The following FBXO21 variants were observed in gnomAD, a reference collection of about 807,000 sequenced individuals.
FBXO21 encodes F-box only protein 21.
Under a neutral mutation model 76.6 loss-of-function variants are expected in FBXO21, and 32 were observed. That is an observed-to-expected ratio of 0.42 (90% confidence interval 0.32 to 0.56). FBXO21 has a LOEUF of 0.56. FBXO21 is among the 20% of genes least tolerant of loss of function. The pLI, the probability that FBXO21 is intolerant of heterozygous loss-of-function variation, is 0.16. For synonymous variants in FBXO21, 328 were observed against 311.5 expected (o/e 1.05, Z -0.56); for missense variants, 586 against 797.3 (o/e 0.73, Z 3.19).
intron 11 of FBXO21, among the ~76,000 whole-genome samples, chr12:117,148,875 G>C (rs11068367): frequency 0.18 from 27,608 of 152,160 alleles, 3,143 homozygotes; most frequent in East Asian, 0.41. Flanking sequence ...TTCCCCGAAG[G>C]AAACTGAGTC....
chr12:117,167,158 G>T, intron 7 of FBXO21, 81 bp from the exon 8 acceptor site: 2 of 1,059,334 alleles, frequency 1.9e-6, no homozygotes, highest in Non-Finnish European at 1.4e-6. Context: ...CAAATCATGG[G>T]CTGAAGGTTG....
In FBXO21 at chr12:117,151,351, G is replaced by C. The variant is rs190586743; in HGVS notation, c.1675+4440C>G. On this transcript the variant is annotated intron_variant, in intron 11 of 11. Coordinates refer to ENST00000622495, the MANE Select transcript of FBXO21 (RefSeq NM_015002.3). Reference sequence around the variant, plus strand: ...GGACATCCCATTAGGGTTTAGGTGAGAGAGTACACACCGGGGAAAGAATTC... The same window carrying C: ...GGACATCCCATTAGGGTTTAGGTGACAGAGTACACACCGGGGAAAGAATTC... 3.3e-5 allele frequency among the ~76,000 whole-genome samples: 5 copies of C among 152,252 alleles called. No homozygotes were observed. In the East Asian group the frequency reaches 9.7e-4, roughly 29 times the overall value.
At chr12:117,187,066 A>G (rs956652688) in intron 2 of FBXO21, among the ~76,000 whole-genome samples, 1 of 151,788 alleles carries the variant, frequency 6.6e-6, no homozygotes, top group African/African-American at 2.4e-5. Context: ...CAGTGAGCCA[A>G]GATTGCGCCA....
At chr12:117,158,366 G>A (rs113905638) in intron 9 of FBXO21, among the ~76,000 whole-genome samples, 8 of 152,266 alleles carry the variant, frequency 5.3e-5, no homozygotes, top group African/African-American at 1.7e-4. Flanking sequence ...GATAAGCGCT[G>A]GGGACGCAGG....
rs1565992749 is a variant in FBXO21, at chr12:117,145,586, C to T, written c.*501G>A. On this transcript the variant is annotated 3_prime_UTR_variant, in exon 12 of 12. Coordinates refer to ENST00000622495, the MANE Select transcript of FBXO21 (RefSeq NM_015002.3). ...AAGATGCTGCCAAGATAGCACACAA[C>T]TTTACCTCTGAATATGCAACTAACT... 1 of 152,326 alleles carries T rather than the reference C, an allele frequency of 6.6e-6. No individual in the cohort carries two copies. The highest frequency in any genetic ancestry group is 1.5e-5 in the Non-Finnish European group (1 of 68,134). 9.4% of individuals were successfully genotyped at this position (152,326 alleles called of 1,614,324 possible).
chr12:117,152,102 G>C (rs1448625574), intron 11 of FBXO21, among the ~76,000 whole-genome samples: 1 of 151,640 alleles, frequency 6.6e-6, no homozygotes, highest in Non-Finnish European at 1.5e-5. Context: ...TCAGGACTCA[G>C]ACTTCACTCC....
chr12:117,158,372 G>A (rs1955940995), intron 9 of FBXO21, among the ~76,000 whole-genome samples: 2 of 152,180 alleles, frequency 1.3e-5, no homozygotes, highest in African/African-American at 2.4e-5. Flanking sequence ...CGCTGGGGAC[G>A]CAGGTGAGGG....
At chr12:117,148,117 G>C (rs1565993900) in intron 11 of FBXO21, among the ~76,000 whole-genome samples, 1 of 152,140 alleles carries the variant, frequency 6.6e-6, no homozygotes, top group Non-Finnish European at 1.5e-5. Context: ...TTAACTGGTA[G>C]TCTTTGGGGA....
At chr12:117,153,210 C>T (rs563332475) in intron 11 of FBXO21, among the ~76,000 whole-genome samples, 1 of 151,876 alleles carries the variant, frequency 6.6e-6, no homozygotes, top group South Asian at 2.1e-4. Context: ...CAGAGACCAC[C>T]AGAATGGAAA....
chr12:117,154,623 C>T (rs1452602353), intron 11 of FBXO21, among the ~76,000 whole-genome samples: 2 of 152,000 alleles, frequency 1.3e-5, no homozygotes, highest in Non-Finnish European at 2.9e-5. Context: ...CATGACTCTG[C>T]CTGGTTAATT....
At chr12:117,173,014 C>T (rs1225595265) in intron 6 of FBXO21, among the ~76,000 whole-genome samples, 1 of 151,846 alleles carries the variant, frequency 6.6e-6, no homozygotes, top group Non-Finnish European at 1.5e-5. Flanking sequence ...ACAGAGACTA[C>T]ATGGCCCTCA....
intron 7 of FBXO21, among the ~76,000 whole-genome samples, chr12:117,167,609 C>T (rs1449914712): frequency 6.6e-6 from 1 of 152,074 alleles, no homozygotes; most frequent in Non-Finnish European, 1.5e-5. Context: ...GGTGTGGTAG[C>T]ACGCACCTGT....
At chr12:117,172,814 G>T (rs1023043244) in intron 6 of FBXO21, among the ~76,000 whole-genome samples, 2 of 152,146 alleles carry the variant, frequency 1.3e-5, no homozygotes, top group African/African-American at 4.8e-5. Flanking sequence ...TACAGCCTGT[G>T]TAAGAAGAAG....
chr12:117,190,417 G>A lies in FBXO21; in HGVS notation c.40C>T (p.Pro14Ser), dbSNP rs765042139. ...AAVDSAMEVV[P>S]ALAEEAAPEV... ...GGCGCGGCCTCCTCCGCCAGCGCCG[G>A]CACCACCTCCATCGCGCTGTCGACT... Residue 14 changes from proline to serine, a missense_variant, in exon 1 of 12, where the codon CCG becomes TCG. Around this residue, in one of 6 missense-constraint regions of FBXO21, gnomAD observed 152 missense variants for 127.2 expected, o/e 1.19. Transcript: ENST00000622495. The A allele has an allele frequency of 7.5e-6, 11 of 1,474,824 alleles. No homozygotes were observed. The highest frequency in any genetic ancestry group is 9.0e-6 in the Non-Finnish European group (10 of 1,112,792). 91.4% of individuals were successfully genotyped at this position (1,474,824 alleles called of 1,614,324 possible).
At chr12:117,178,047 A>G (rs997812598) in intron 3 of FBXO21, among the ~76,000 whole-genome samples, 12 of 151,960 alleles carry the variant, frequency 7.9e-5, no homozygotes, top group African/African-American at 2.4e-4. Context: ...GAAAACTCCT[A>G]TTTTCCAGAC....
At chr12:117,184,096 T>C (rs1348190547) in intron 3 of FBXO21, among the ~76,000 whole-genome samples, 5 of 151,982 alleles carry the variant, frequency 3.3e-5, no homozygotes, top group Non-Finnish European at 5.9e-5. Context: ...CAGTTTCCCA[T>C]TATGATTACT....
At position 117,177,568 on chromosome 12, in the gene FBXO21, G is replaced by T; in HGVS notation, c.544C>A (p.Leu182Ile). The T allele has an allele frequency of 6.2e-7, 1 of 1,613,824 alleles. No individual in the cohort carries two copies. Among genetic ancestry groups the T allele is most frequent in the African/African-American group, 1.3e-5 (1 of 75,044 alleles). The part of the protein sequence containing the change: ...YLRQQKILNN[L>I]KAFLQQPDDY... The stretch of plus-strand genomic sequence containing the variant: ...TCTGGCTGCTGAAGAAAGGCCTTAA[G>T]ATTATTTAAGATCTTCTGTTGCCGC... The change falls in exon 4 of 12, where the codon CTT (leucine) becomes ATT (isoleucine). Residue 182 changes from leucine to isoleucine, a missense_variant. Physicochemically the swap from Leu to Ile is conservative, Grantham distance 5. Around this residue, in one of 6 missense-constraint regions of FBXO21, gnomAD observed 246 missense variants for 356.8 expected, o/e 0.69. Coordinates refer to ENST00000622495, the MANE Select transcript of FBXO21 (RefSeq NM_015002.3).
At chr12:117,181,759 CTT>C (rs1354534017) in intron 3 of FBXO21, among the ~76,000 whole-genome samples, 1 of 152,132 alleles carries the variant, frequency 6.6e-6, no homozygotes, top group Non-Finnish European at 1.5e-5. Context: ...AAGCGATTCT[CTT>C]GTTTCAGCCT....
At chr12:117,182,082 T>C (rs1381684486) in intron 3 of FBXO21, among the ~76,000 whole-genome samples, 2 of 152,232 alleles carry the variant, frequency 1.3e-5, no homozygotes, top group African/African-American at 4.8e-5. Flanking sequence ...AACTACACTT[T>C]TTCCTTCCCA....
Sources: gnomAD v4.1 joint callset for allele counts (sites outside exome capture counted in the v4.1 genomes callset) on GRCh38, gnomAD v4.1.1 for gene constraint, gnomAD v4.1.1 regional missense constraint, MANE v1.5 for transcripts, NCBI Gene and HGNC (gene_info 2026-07-23, HGNC 2026-07-21) for gene names.